Variants in DCC observed in about 807,000 individuals in gnomAD.
DCC encodes the protein DCC netrin 1 receptor.
Under a neutral mutation model 172.5 loss-of-function variants are expected in DCC, and 58 were observed. That is an observed-to-expected ratio of 0.34 (90% confidence interval 0.27 to 0.42). The LOEUF is 0.42. DCC is among the 10% of genes least tolerant of loss of function. DCC has a pLI of 1.00. For synonymous variants in DCC, 709 were observed against 644.5 expected, an observed-to-expected ratio of 1.10 and a Z score of -1.52; for missense variants, 1,740 against 1,791.0, an observed-to-expected ratio of 0.97 and a Z score of 0.51.
At chr18:52,798,109 T>C (rs933993503) in intron 2 of DCC, among the ~76,000 whole-genome samples, 1 of 142,478 alleles carries the variant, frequency 7.0e-6, no homozygotes, top group African/African-American at 2.5e-5. Flanking sequence ...CTTCCTCTGG[T>C]ACCTAATGAG....
At chr18:52,926,577 G>A (rs1298167552) in intron 5 of DCC, among the ~76,000 whole-genome samples, 5 of 151,648 alleles carry the variant, frequency 3.3e-5, no homozygotes, top group African/African-American at 1.2e-4. Context: ...GATGGAAATT[G>A]TATTGTGCTG....
intron 9 of DCC, among the ~76,000 whole-genome samples, chr18:53,189,051 A>G (rs756734471): frequency 9.9e-5 from 15 of 152,172 alleles, no homozygotes; most frequent in Admixed American, 2.6e-4. Flanking sequence ...TCAACCCGAT[A>G]TACTGCCCTG....
At chr18:52,838,681 TTAAAC>T (rs1261723920) in intron 2 of DCC, among the ~76,000 whole-genome samples, 11 of 152,312 alleles carry the variant, frequency 7.2e-5, no homozygotes, top group African/African-American at 2.2e-4. Flanking sequence ...ATCATGTTCT[TTAAAC>T]TAAAAGAACT....
At chr18:53,171,375 T>G (rs975335842) in intron 8 of DCC, among the ~76,000 whole-genome samples, 5 of 152,114 alleles carry the variant, frequency 3.3e-5, no homozygotes, top group African/African-American at 1.2e-4. Context: ...GTCTTGGAGG[T>G]GTATTTACAT....
chr18:52,497,913 A>T (rs564141997), intron 1 of DCC, among the ~76,000 whole-genome samples: 1 of 152,246 alleles, frequency 6.6e-6, no homozygotes, highest in Non-Finnish European at 1.5e-5. Flanking sequence ...TAGAACAGGG[A>T]TTGACATATT....
chr18:53,017,133 T>C (rs1356871044), intron 5 of DCC, among the ~76,000 whole-genome samples: 5 of 150,698 alleles, frequency 3.3e-5, no homozygotes, highest in African/African-American at 9.8e-5. Flanking sequence ...TGGAGTGCAG[T>C]AGCGCCATCT....
At chr18:52,670,505 A>T (rs2035532381) in intron 1 of DCC, among the ~76,000 whole-genome samples, 2 of 152,246 alleles carry the variant, frequency 1.3e-5, no homozygotes, top group African/African-American at 4.8e-5. Flanking sequence ...TTTCCTATAT[A>T]GATTCATAAT....
intron 5 of DCC, among the ~76,000 whole-genome samples, chr18:53,003,680 G>A (rs2041600591): frequency 6.6e-6 from 1 of 151,936 alleles, no homozygotes; most frequent in Non-Finnish European, 1.5e-5. Flanking sequence ...GAAGGTTTTA[G>A]GTAGGGAGGA....
At chr18:52,592,623 G>A (rs2033823754) in intron 1 of DCC, among the ~76,000 whole-genome samples, 1 of 152,194 alleles carries the variant, frequency 6.6e-6, no homozygotes, top group Admixed American at 6.5e-5. Flanking sequence ...TAGAAATAAG[G>A]AAATGAAATA....
chr18:53,399,645 C>CAAGATATTAATTAAGGGTTTTTAATAT (rs1909182926), intron 18 of DCC, among the ~76,000 whole-genome samples: 1 of 744 alleles, frequency 1.3e-3, no homozygotes, highest in African/African-American at 1.4e-3. Flanking sequence ...TGGCTCACGC[C>CAAGATATTAATTAAGGGTTTTTAATAT]TGTAATCCCA....
chr18:52,899,024 A>T (rs566349408), intron 2 of DCC, among the ~76,000 whole-genome samples: 1 of 152,194 alleles, frequency 6.6e-6, no homozygotes, highest in South Asian at 2.1e-4. Flanking sequence ...CAAATGCCTT[A>T]TGGATAGCCT....
intron 2 of DCC, among the ~76,000 whole-genome samples, chr18:52,815,031 G>A (rs563768881): frequency 6.6e-6 from 1 of 152,206 alleles, no homozygotes; most frequent in East Asian, 1.9e-4. Context: ...TGCAAAAGTG[G>A]GCAACAAGAA....
At chr18:52,723,644 C>T (rs1648880589) in intron 1 of DCC, among the ~76,000 whole-genome samples, 1 of 152,178 alleles carries the variant, frequency 6.6e-6, no homozygotes, top group Admixed American at 6.5e-5. Context: ...AGATGAATCA[C>T]TTAGCATGGC....
At chr18:52,697,010 A>G (rs1425788105) in intron 1 of DCC, among the ~76,000 whole-genome samples, 1 of 152,224 alleles carries the variant, frequency 6.6e-6, no homozygotes, top group African/African-American at 2.4e-5. Context: ...TACCGAAAGT[A>G]ACATTAAAAA....
intron 12 of DCC, among the ~76,000 whole-genome samples, chr18:53,278,754 A>G (rs10084040): frequency 0.043 from 6,575 of 152,180 alleles, 433 homozygotes; most frequent in African/African-American, 0.15. Flanking sequence ...GATGTGCATA[A>G]ATGCTTTACA....
chr18:52,943,048 CTT>C (rs1450115334), intron 5 of DCC, among the ~76,000 whole-genome samples: 2 of 152,164 alleles, frequency 1.3e-5, no homozygotes, highest in African/African-American at 2.4e-5. Context: ...ATTATTTCCT[CTT>C]TGTTATTTAT....
chr18:52,727,105 A>G (rs2036563018), intron 1 of DCC, among the ~76,000 whole-genome samples: 1 of 152,234 alleles, frequency 6.6e-6, no homozygotes, highest in African/African-American at 2.4e-5. Flanking sequence ...ATAGATTGTC[A>G]CAGCAATAAT....
chr18:52,997,549 T>G (rs1001717761), intron 5 of DCC, among the ~76,000 whole-genome samples: 1 of 152,100 alleles, frequency 6.6e-6, no homozygotes, highest in Non-Finnish European at 1.5e-5. Flanking sequence ...TGAAGAATTC[T>G]TTTAATTAAA....
intron 22 of DCC, among the ~76,000 whole-genome samples, chr18:53,450,165 A>G (rs2045390577): frequency 1.3e-5 from 2 of 151,690 alleles, no homozygotes; most frequent in Admixed American, 6.6e-5. Flanking sequence ...ACACACATAC[A>G]TATGCATACA....
Sources: gnomAD v4.1 joint callset for allele counts (sites outside exome capture counted in the v4.1 genomes callset) on GRCh38, gnomAD v4.1.1 for gene constraint, MANE v1.5 for transcripts, NCBI Gene and HGNC (gene_info 2026-07-23, HGNC 2026-07-21) for gene names.